Variants in GPR158 observed in about 807,000 individuals in gnomAD.
GPR158 encodes the protein metabotropic glycine receptor.
In GPR158, 30 loss-of-function variants were observed where a neutral mutation model predicts 78.2. The observed-to-expected ratio is 0.38, with a 90% confidence interval of 0.29 to 0.52. GPR158 has a LOEUF of 0.52. Among genes scored for constraint, GPR158 ranks in the 20% least tolerant of loss-of-function variants. GPR158 has a pLI of 0.83. For missense variants in GPR158, 1,463 were observed against 1,523.5 expected (o/e 0.96, Z 0.66); for synonymous variants, 581 against 591.1 (o/e 0.98, Z 0.25).
At chr10:25,393,346 T>G in intron 2 of GPR158, among the ~76,000 whole-genome samples, 1 of 152,344 alleles carries the variant, frequency 6.6e-6, no homozygotes, top group East Asian at 1.9e-4. Flanking sequence ...CAAGGTAAAA[T>G]ATTTCAAGAA....
intron 2 of GPR158, among the ~76,000 whole-genome samples, chr10:25,370,845 G>C (rs1307598707): frequency 1.3e-5 from 2 of 151,720 alleles, no homozygotes; most frequent in East Asian, 1.9e-4. Flanking sequence ...TATGAATCTG[G>C]ATGCTCCTGT....
chr10:25,555,496 TTCC>T (rs1377214127), intron 6 of GPR158, among the ~76,000 whole-genome samples: 4 of 152,184 alleles, frequency 2.6e-5, no homozygotes, highest in Non-Finnish European at 4.4e-5. Flanking sequence ...ACACCTAGCA[TTCC>T]CATGATATGT....
chr10:25,285,996 G>A (rs775284111), intron 2 of GPR158, among the ~76,000 whole-genome samples: 20 of 152,252 alleles, frequency 1.3e-4, no homozygotes, highest in Non-Finnish European at 2.8e-4. Flanking sequence ...GAAGTCTACT[G>A]TAATTCTTAT....
intron 2 of GPR158, among the ~76,000 whole-genome samples, chr10:25,391,309 G>A (rs921182773): frequency 6.6e-6 from 1 of 152,130 alleles, no homozygotes; most frequent in Non-Finnish European, 1.5e-5. Flanking sequence ...TCTCAGAATG[G>A]TAGATCCACC....
chr10:25,353,079 T>G (rs1422929274), intron 2 of GPR158, among the ~76,000 whole-genome samples: 1 of 152,096 alleles, frequency 6.6e-6, no homozygotes, highest in Non-Finnish European at 1.5e-5. Flanking sequence ...TGGCTGTTAC[T>G]ACTATAGTTA....
Position 25,411,796 on chromosome 10 carries a change from G to A in GPR158, c.1112-454G>A, listed in dbSNP as rs925288101. Among the ~76,000 whole-genome samples the A allele has an allele frequency of 9.0e-4, 136 of 151,756 alleles. 1 individual carries two copies. Among genetic ancestry groups the A allele is most frequent in the Non-Finnish European group, 1.2e-4 (8 of 67,894 alleles). On this transcript the variant is annotated intron_variant, in intron 3 of 10. Coordinates refer to ENST00000376351, the MANE Select transcript of GPR158 (RefSeq NM_020752.3). Reference sequence around the variant, plus strand: ...TAAAAATACAAAAAATTAGCCGGGCGTGGTGGTGGGCACCTGTAGTCCAGC... The same window carrying A: ...TAAAAATACAAAAAATTAGCCGGGCATGGTGGTGGGCACCTGTAGTCCAGC...
chr10:25,223,988 G>GA (rs1853337358), intron 2 of GPR158, among the ~76,000 whole-genome samples: 1 of 152,182 alleles, frequency 6.6e-6, no homozygotes, highest in African/African-American at 2.4e-5. Context: ...TCTGATGTTG[G>GA]AAACAGATAA....
chr10:25,285,313 G>A (rs180925966), intron 2 of GPR158, among the ~76,000 whole-genome samples: 57 of 150,490 alleles, frequency 3.8e-4, no homozygotes, highest in African/African-American at 1.4e-3. Context: ...GTATGTATGT[G>A]TCTGTCTGTC....
At chr10:25,502,572 C>G (rs1023969615) in intron 5 of GPR158, among the ~76,000 whole-genome samples, 1 of 151,634 alleles carries the variant, frequency 6.6e-6, no homozygotes, top group Non-Finnish European at 1.5e-5. Context: ...AATGAAGCAC[C>G]AAACAGTCGG....
chr10:25,316,777 T>A (rs960534862), intron 2 of GPR158, among the ~76,000 whole-genome samples: 1 of 151,932 alleles, frequency 6.6e-6, no homozygotes, highest in Non-Finnish European at 1.5e-5. Flanking sequence ...TGCTTGTGAG[T>A]TCACTCAGCA....
chr10:25,367,593 C>A (rs1378559596), intron 2 of GPR158, among the ~76,000 whole-genome samples: 2 of 151,722 alleles, frequency 1.3e-5, no homozygotes, highest in African/African-American at 4.8e-5. Context: ...GTCTTTCAAC[C>A]CATAAACATG....
intron 2 of GPR158, among the ~76,000 whole-genome samples, chr10:25,301,623 G>C (rs540874204): frequency 2.7e-5 from 4 of 150,228 alleles, no homozygotes; most frequent in African/African-American, 1.0e-4. Context: ...AAACTGGAGG[G>C]GGGGATAAAG....
chr10:25,189,199 G>T (rs1852733925), intron 1 of GPR158, among the ~76,000 whole-genome samples: 1 of 152,168 alleles, frequency 6.6e-6, no homozygotes, highest in Admixed American at 6.5e-5. Context: ...CAGTAAACTA[G>T]TTCAACCATT....
rs1178639515 is a variant in GPR158 at position 25,203,877 on chromosome 10, C to A, written c.903-17175C>A. The stretch of plus-strand genomic sequence containing the variant: ...TTTGGCCATTTTCACAATATTGATT[C>A]TTCCTATCCATGAGCATGGAATGTT... On this transcript the variant is annotated intron_variant, in intron 1 of 10. Transcript: ENST00000376351. 1.4e-5 allele frequency among the ~76,000 whole-genome samples: 2 copies of A among 144,542 alleles called. 1 individual carries two copies. Among genetic ancestry groups the A allele is most frequent in the Non-Finnish European group, 3.0e-5 (2 of 66,786 alleles). 94.8% of individuals were successfully genotyped at this position (144,542 alleles called of 152,430 possible).
At chr10:25,178,890 C>T (rs780965253) in intron 1 of GPR158, among the ~76,000 whole-genome samples, 69 of 152,296 alleles carry the variant, frequency 4.5e-4, no homozygotes, top group Non-Finnish European at 6.6e-4. Flanking sequence ...AAATGGGATC[C>T]AGGCCTTCTG....
intron 7 of GPR158, among the ~76,000 whole-genome samples, chr10:25,578,884 CT>C (rs770350588): frequency 3.9e-5 from 6 of 152,020 alleles, no homozygotes; most frequent in Admixed American, 3.3e-4. Flanking sequence ...TGGCGGGCGC[CT>C]GTAATCCCAG....
At chr10:25,201,453 G>A (rs1564389814) in intron 1 of GPR158, among the ~76,000 whole-genome samples, 1 of 152,112 alleles carries the variant, frequency 6.6e-6, no homozygotes, top group Non-Finnish European at 1.5e-5. Context: ...AACAGAGATA[G>A]TTTCACTTCC....
At chr10:25,305,232 C>T (rs567800283) in intron 2 of GPR158, among the ~76,000 whole-genome samples, 15 of 152,228 alleles carry the variant, frequency 9.9e-5, no homozygotes, top group African/African-American at 2.4e-4. Context: ...TCCAGTTTGG[C>T]GGGATGTGCT....
At chr10:25,456,333 C>G (rs573193489) in intron 4 of GPR158, among the ~76,000 whole-genome samples, 3 of 152,228 alleles carry the variant, frequency 2.0e-5, no homozygotes, top group East Asian at 1.9e-4. Context: ...AATGTTTAGG[C>G]TATCTCCAAA....
Sources: gnomAD v4.1 joint callset for allele counts (sites outside exome capture counted in the v4.1 genomes callset) on GRCh38, gnomAD v4.1.1 for gene constraint, MANE v1.5 for transcripts, NCBI Gene and HGNC (gene_info 2026-07-23, HGNC 2026-07-21) for gene names.